The following PRKCB variants were observed in gnomAD, a reference collection of about 807,000 sequenced individuals.
The protein encoded by PRKCB is protein kinase C beta type.
Under a neutral mutation model 81.5 loss-of-function variants are expected in PRKCB, and 13 were observed. The observed-to-expected ratio is 0.16, with a 90% CI of 0.10 to 0.25. The LOEUF is 0.25. Ranked by LOEUF, PRKCB falls within the 10% of genes least tolerant of loss-of-function variation. The probability of loss-of-function intolerance (pLI) is 1.00; values close to 1 mark genes in which losing one functional copy is unlikely to be tolerated. For missense variants in PRKCB, 509 were observed against 875.7 expected, an observed-to-expected ratio of 0.58 and a Z score of 5.29; for synonymous variants, 335 against 321.4, an observed-to-expected ratio of 1.04 and a Z score of -0.45.
At chr16:23,933,112 A>G (rs1216494383) in intron 2 of PRKCB, among the ~76,000 whole-genome samples, 3 of 152,226 alleles carry the variant, frequency 2.0e-5, no homozygotes, top group Non-Finnish European at 4.4e-5. Flanking sequence ...GGGACAGTGC[A>G]TGCATGACCC....
rs1968290583 is a variant in PRKCB at position 24,219,657 on chromosome 16, CACACACACACACA to C, written c.*4842_*4854del. 491 of 633,104 alleles carry C rather than the reference CACACACACACACA, an allele frequency of 7.8e-4. No homozygotes were observed. Among genetic ancestry groups the C allele is most frequent in the South Asian group, 2.2e-3 (31 of 14,104 alleles). The allele number at this position is 633,104 out of a possible 1,614,324, so 39.2% of individuals were successfully genotyped here. A position where few individuals can be genotyped will look rare whatever the true frequency, so the allele number is the denominator to read the frequency against. On this transcript the variant is annotated 3_prime_UTR_variant, in exon 17 of 17. Coordinates refer to ENST00000643927, the MANE Select transcript of PRKCB (RefSeq NM_002738.7). ...CCTAAAGCCAAAGAAAATACAGCAA[CACACACACACACA>C]CACACACACACACACACACACACAC... is the stretch of plus-strand genomic sequence containing the variant.
intron 16 of PRKCB, among the ~76,000 whole-genome samples, chr16:24,204,229 C>T (rs1968008309): frequency 6.6e-6 from 1 of 152,046 alleles, no homozygotes; most frequent in African/African-American, 2.4e-5. Context: ...AGCTAACTTG[C>T]TTGAAGGTTG....
chr16:23,891,733 A>G (rs755492007), intron 2 of PRKCB, among the ~76,000 whole-genome samples: 2 of 152,186 alleles, frequency 1.3e-5, no homozygotes, highest in Non-Finnish European at 2.9e-5. Context: ...CTCAGTTTTC[A>G]AGGGGTCATG....
chr16:24,152,771 A>G (rs948425087), intron 9 of PRKCB, among the ~76,000 whole-genome samples: 2 of 152,228 alleles, frequency 1.3e-5, no homozygotes, highest in African/African-American at 4.8e-5. Context: ...GAAGGTGCCC[A>G]TCCTAGCACT....
intron 2 of PRKCB, among the ~76,000 whole-genome samples, chr16:23,983,425 G>A (rs1465647056): frequency 6.6e-6 from 1 of 152,124 alleles, no homozygotes; most frequent in African/African-American, 2.4e-5. Context: ...ATTCATTTCT[G>A]TGGGTAATTG....
intron 10 of PRKCB, among the ~76,000 whole-genome samples, chr16:24,161,563 A>C (rs1361939009): frequency 6.6e-6 from 1 of 152,144 alleles, no homozygotes; most frequent in Non-Finnish European, 1.5e-5. Context: ...ATAGATGCAA[A>C]AGCTCCCAGA....
At chr16:24,028,931 C>G (rs564783374) in intron 3 of PRKCB, among the ~76,000 whole-genome samples, 1 of 152,150 alleles carries the variant, frequency 6.6e-6, no homozygotes, top group African/African-American at 2.4e-5. Context: ...GCTGGGACTA[C>G]AGGCATGTGC....
chr16:24,038,448 G>A (rs1231641845), intron 5 of PRKCB, among the ~76,000 whole-genome samples: 6 of 152,244 alleles, frequency 3.9e-5, no homozygotes, highest in African/African-American at 7.2e-5. Context: ...GAAAGGGCAC[G>A]TTGTTGCCAT....
chr16:24,161,871 G>T (rs982037098), intron 10 of PRKCB, among the ~76,000 whole-genome samples: 1 of 152,180 alleles, frequency 6.6e-6, no homozygotes, highest in Non-Finnish European at 1.5e-5. Context: ...AGGTACGAAA[G>T]AATTATGTTT....
intron 5 of PRKCB, among the ~76,000 whole-genome samples, chr16:24,037,362 G>T (rs1308065317): frequency 1.3e-5 from 2 of 152,114 alleles, no homozygotes; most frequent in Non-Finnish European, 2.9e-5. Flanking sequence ...CACACCATTT[G>T]CAATAATAAT....
rs184182024 is a variant in PRKCB, at chr16:24,219,512, A to G, written c.*4696A>G. 3.8e-5 allele frequency: 38 copies of G among 988,004 alleles called. No homozygotes were observed. The highest frequency in any genetic ancestry group is 1.1e-4 in the East Asian group (1 of 8,866). 61.2% of individuals were successfully genotyped at this position (988,004 alleles called of 1,614,324 possible). On this transcript the variant is annotated 3_prime_UTR_variant, in exon 17 of 17. Transcript: ENST00000643927. ...TAGATGGGCAGCAGTTCACCTTTTC[A>G]GAGAAAGAGGTCTTCTAGCCACCTG... is the stretch of plus-strand genomic sequence containing the variant.
intron 5 of PRKCB, among the ~76,000 whole-genome samples, chr16:24,083,812 G>C (rs968676216): frequency 2.0e-5 from 3 of 152,044 alleles, no homozygotes; most frequent in Non-Finnish European, 4.4e-5. Flanking sequence ...TCACAAAACT[G>C]TGCACCAAAA....
At chr16:24,025,328 C>T (rs1965463423) in intron 3 of PRKCB, among the ~76,000 whole-genome samples, 1 of 152,198 alleles carries the variant, frequency 6.6e-6, no homozygotes, top group African/African-American at 2.4e-5. Context: ...CTTAGTTCTT[C>T]GGTTTCCTCA....
At chr16:24,159,966 C>T (rs1343123903) in intron 10 of PRKCB, among the ~76,000 whole-genome samples, 2 of 152,068 alleles carry the variant, frequency 1.3e-5, no homozygotes, top group African/African-American at 4.8e-5. Flanking sequence ...GCCTGAGCTA[C>T]AGACTGATAC....
At chr16:23,975,516 A>G (rs1057239284) in intron 2 of PRKCB, among the ~76,000 whole-genome samples, 1 of 152,170 alleles carries the variant, frequency 6.6e-6, no homozygotes, top group African/African-American at 2.4e-5. Flanking sequence ...ACAGACACTC[A>G]TGGGCACAGT....
At chr16:23,901,426 C>T (rs1440940306) in intron 2 of PRKCB, among the ~76,000 whole-genome samples, 1 of 152,100 alleles carries the variant, frequency 6.6e-6, no homozygotes, top group Non-Finnish European at 1.5e-5. Context: ...TGCAATCTCA[C>T]TACGCAGACT....
intron 16 of PRKCB, among the ~76,000 whole-genome samples, chr16:24,202,277 C>A (rs1009138378): frequency 6.6e-6 from 1 of 152,162 alleles, no homozygotes; most frequent in African/African-American, 2.4e-5. Flanking sequence ...TGCATACAAA[C>A]ACACTTTTGA....
rs79637699 is a variant in PRKCB at position 23,905,279 on chromosome 16, G to A, written c.205+67873G>A. Among the ~76,000 whole-genome samples, 695 of 152,080 alleles carry A rather than the reference G, an allele frequency of 4.6e-3. 6 individuals carry two copies. The highest frequency in any genetic ancestry group is 0.015 in the African/African-American group (637 of 41,458). On this transcript the variant is annotated intron_variant, in intron 2 of 16. Coordinates refer to ENST00000643927, the MANE Select transcript of PRKCB (RefSeq NM_002738.7). ...TTCTCTCTTCTTACTCATTCGTGTC[G>A]TTAAATAAATAACAACACAAGCAGT... is the stretch of plus-strand genomic sequence containing the variant.
intron 7 of PRKCB, among the ~76,000 whole-genome samples, chr16:24,097,097 T>A (rs2520008): frequency 1.4e-5 from 2 of 142,974 alleles, no homozygotes; most frequent in Non-Finnish European, 3.0e-5. Flanking sequence ...AGTGCAGTGG[T>A]GTGATCTCGG....
Sources: gnomAD v4.1 joint callset for allele counts (sites outside exome capture counted in the v4.1 genomes callset) on GRCh38, gnomAD v4.1.1 for gene constraint, MANE v1.5 for transcripts, NCBI Gene and HGNC (gene_info 2026-07-23, HGNC 2026-07-21) for gene names.